ZSWIM6: variants seen among roughly 807,000 people sequenced by gnomAD.
ZSWIM6 encodes zinc finger SWIM domain-containing protein 6.
ZSWIM6 carries 9 observed loss-of-function variants against 113.2 expected under a neutral mutation model. The ratio of observed to expected loss-of-function variants is 0.08; its 90% CI spans 0.05 to 0.14. The LOEUF is 0.14. ZSWIM6 is among the 10% of genes least tolerant of loss of function. The probability of loss-of-function intolerance (pLI) is 1.00; values close to 1 mark genes in which losing one functional copy is unlikely to be tolerated. For synonymous variants in ZSWIM6, 611 were observed against 606.5 expected (o/e 1.01, Z -0.11); for missense variants, 1,162 against 1,552.2 (o/e 0.75, Z 4.22).
At chr5:61,394,755 G>A (rs1745805272) in intron 1 of ZSWIM6, among the ~76,000 whole-genome samples, 1 of 152,180 alleles carries the variant, frequency 6.6e-6, no homozygotes, top group Non-Finnish European at 1.5e-5. Flanking sequence ...AGGGGGTATG[G>A]AAAGGCATTC....
intron 1 of ZSWIM6, among the ~76,000 whole-genome samples, chr5:61,463,725 A>G (rs1373696556): frequency 6.6e-6 from 1 of 152,222 alleles, no homozygotes; most frequent in African/African-American, 2.4e-5. Flanking sequence ...GGACTCTTAA[A>G]AATAGTCTTT....
intron 1 of ZSWIM6, among the ~76,000 whole-genome samples, chr5:61,382,799 T>C (rs1315341440): frequency 6.8e-6 from 1 of 147,892 alleles, no homozygotes; most frequent in Non-Finnish European, 1.5e-5. Flanking sequence ...AGCAAGACTC[T>C]GTCTAAAAAT....
intron 1 of ZSWIM6, among the ~76,000 whole-genome samples, chr5:61,372,939 C>T (rs1168358422): frequency 1.3e-5 from 2 of 151,854 alleles, no homozygotes; most frequent in Admixed American, 1.3e-4. Context: ...TTTGTAGGAA[C>T]ATTTCTTAAA....
chr5:61,387,804 G>A (rs1745619201), intron 1 of ZSWIM6, among the ~76,000 whole-genome samples: 2 of 151,400 alleles, frequency 1.3e-5, no homozygotes, highest in Admixed American at 6.6e-5. Flanking sequence ...CCAGCTACTC[G>A]GGAGGTTGAG....
At chr5:61,379,185 GAAAAAAAAAAAA>G (rs1211778480) in intron 1 of ZSWIM6, among the ~76,000 whole-genome samples, 4 of 38,592 alleles carry the variant, frequency 1.0e-4, no homozygotes, top group Non-Finnish European at 1.9e-4. Context: ...TCCTGTCTCT[GAAAAAAAAAAAA>G]AAAAAAAAAA....
intron 5 of ZSWIM6, among the ~76,000 whole-genome samples, chr5:61,522,268 C>G (rs113505651): frequency 1.1e-4 from 17 of 152,060 alleles, no homozygotes; most frequent in African/African-American, 4.1e-4. Context: ...TTATTTCTTG[C>G]CAATAGAAAT....
intron 1 of ZSWIM6, among the ~76,000 whole-genome samples, chr5:61,364,345 A>G (rs549845795): frequency 2.0e-5 from 3 of 152,396 alleles, no homozygotes; most frequent in Middle Eastern, 3.4e-3. Flanking sequence ...ATCAAGGATC[A>G]GAAAATTATG....
intron 5 of ZSWIM6, among the ~76,000 whole-genome samples, chr5:61,522,345 G>A (rs1163453098): frequency 1.3e-5 from 2 of 152,118 alleles, no homozygotes; most frequent in East Asian, 3.8e-4. Flanking sequence ...AAATTTGAAA[G>A]ATTTTAAAGT....
Position 61,543,446 on chromosome 5 carries a change from T to C in ZSWIM6, c.2786-9T>C. The C allele has an allele frequency of 6.5e-7, 1 of 1,543,654 alleles. No individual in the cohort carries two copies. Among genetic ancestry groups the C allele is most frequent in the Non-Finnish European group, 8.8e-7 (1 of 1,142,324 alleles). ...CGTCAGTAATAGAGCCTGTTTGTGT[T>C]CCTTGCAGGGGTTTATGCCCTGGAC... On this transcript the variant is annotated splice_polypyrimidine_tract_variant and intron_variant, in intron 13 of 13. Coordinates refer to ENST00000252744, the MANE Select transcript of ZSWIM6 (RefSeq NM_020928.2). This position sits in a 1 kb window ranked among gnomAD's most constrained non-coding sequence, Gnocchi z 4.3.
chr5:61,421,568 GATT>G (rs1746355950), intron 1 of ZSWIM6, among the ~76,000 whole-genome samples: 1 of 152,108 alleles, frequency 6.6e-6, no homozygotes, highest in South Asian at 2.1e-4. Context: ...TTGTTGTACA[GATT>G]ATTTCATCAC....
At chr5:61,401,329 G>A (rs149223054) in intron 1 of ZSWIM6, among the ~76,000 whole-genome samples, 11 of 152,176 alleles carry the variant, frequency 7.2e-5, no homozygotes, top group African/African-American at 2.6e-4. Flanking sequence ...TACATGCCAA[G>A]ATTTTTCAAA....
At chr5:61,346,752 C>A (rs1373149884) in intron 1 of ZSWIM6, among the ~76,000 whole-genome samples, 1 of 152,148 alleles carries the variant, frequency 6.6e-6, no homozygotes. Flanking sequence ...TTTCATGGAT[C>A]TCCCTTAGCA....
intron 4 of ZSWIM6, among the ~76,000 whole-genome samples, chr5:61,515,489 G>T (rs1232698008): frequency 2.0e-5 from 3 of 152,094 alleles, no homozygotes; most frequent in Non-Finnish European, 4.4e-5. Flanking sequence ...ATGCAAGAGC[G>T]TAGGTTAGAG....
intron 1 of ZSWIM6, among the ~76,000 whole-genome samples, chr5:61,441,974 C>T (rs1746844988): frequency 6.6e-6 from 1 of 152,090 alleles, no homozygotes; most frequent in Non-Finnish European, 1.5e-5. Context: ...CTCAAGTCCA[C>T]CTTTCTGATG....
chr5:61,501,164 C>G (rs943167337), intron 4 of ZSWIM6, among the ~76,000 whole-genome samples: 7 of 152,140 alleles, frequency 4.6e-5, no homozygotes, highest in Non-Finnish European at 8.8e-5. Flanking sequence ...CTGTGCTGTC[C>G]TACTGCTTTC....
chr5:61,381,473 G>A (rs897241430), intron 1 of ZSWIM6, among the ~76,000 whole-genome samples: 7 of 151,932 alleles, frequency 4.6e-5, no homozygotes, highest in Non-Finnish European at 7.4e-5. Context: ...TGACTCTATT[G>A]AATTTAAATA....
intron 1 of ZSWIM6, among the ~76,000 whole-genome samples, chr5:61,423,708 C>G (rs1287989837): frequency 6.6e-6 from 1 of 152,082 alleles, no homozygotes; most frequent in Non-Finnish European, 1.5e-5. Context: ...TCTATGCATT[C>G]AGCACTGCAC....
At chr5:61,357,603 G>T (rs769569607) in intron 1 of ZSWIM6, among the ~76,000 whole-genome samples, 5 of 151,628 alleles carry the variant, frequency 3.3e-5, no homozygotes, top group Non-Finnish European at 1.5e-5. Context: ...GGGTCTGGCA[G>T]TGATCAGCTC....
chr5:61,484,126 A>G (rs1747951959), intron 2 of ZSWIM6, among the ~76,000 whole-genome samples: 1 of 152,120 alleles, frequency 6.6e-6, no homozygotes, highest in South Asian at 2.1e-4. Flanking sequence ...GACCAAATTC[A>G]GGTCTACTTA....
Sources: gnomAD v4.1 joint callset for allele counts (sites outside exome capture counted in the v4.1 genomes callset) on GRCh38, gnomAD v4.1.1 for gene constraint, Gnocchi (gnomAD v3.1) non-coding constraint, MANE v1.5 for transcripts, NCBI Gene and HGNC (gene_info 2026-07-23, HGNC 2026-07-21) for gene names.